Variants in IGSF10 observed in about 807,000 individuals in gnomAD.
IGSF10 encodes immunoglobulin superfamily member 10.
In IGSF10, 126 loss-of-function variants were observed where a neutral mutation model predicts 128.2. The observed-to-expected ratio is 0.98, with a 90% CI of 0.85 to 1.14. The LOEUF (loss-of-function observed/expected upper bound fraction) is 1.14. IGSF10 is among the 50% of genes most tolerant of loss of function. The probability of loss-of-function intolerance (pLI) is 0.00; values close to 1 mark genes in which losing one functional copy is unlikely to be tolerated. For synonymous variants in IGSF10, 1,185 were observed against 1,146.2 expected (o/e 1.03, Z -0.68); for missense variants, 3,295 against 3,149.8 (o/e 1.05, Z -1.10).
chr3:151,518,422 C>T, the IGSF10 span, among the ~76,000 whole-genome samples: 1 of 151,886 alleles, frequency 6.6e-6, no homozygotes, highest in Admixed American at 6.6e-5. Context: ...CTCAATTAAA[C>T]CATTTTAAAT....
At chr3:151,551,615 CAAGATATAAAATTTTT>C in the IGSF10 span, among the ~76,000 whole-genome samples, 5 of 150,334 alleles carry the variant, frequency 3.3e-5, no homozygotes, top group African/African-American at 9.8e-5. Context: ...AAATAATTTT[CAAGATATAAAATTTTT>C]AAGATATAAA....
chr3:151,436,549 G>A lies in IGSF10; in HGVS notation c.*140C>T. ...CAGTTCATAATGCATTTATTTACAA[G>A]TCCTTTTATTTTGCATGTTCATTGT... On this transcript the variant is annotated 3_prime_UTR_variant, in exon 8 of 8. Coordinates refer to ENST00000282466, the MANE Select transcript of IGSF10 (RefSeq NM_178822.5). The A allele has an allele frequency of 1.6e-6, 1 of 607,374 alleles. No homozygotes were observed. Among genetic ancestry groups the A allele is most frequent in the South Asian group, 2.3e-5 (1 of 42,784 alleles). 37.6% of individuals were successfully genotyped at this position (607,374 alleles called of 1,614,324 possible).
chr3:151,556,244 A>G, the IGSF10 span, among the ~76,000 whole-genome samples: 2 of 152,316 alleles, frequency 1.3e-5, no homozygotes, highest in Non-Finnish European at 1.5e-5. Context: ...ACAAAAAAAT[A>G]TTTAGAGACT....
chr3:151,442,637 T>C (rs1490096614), intron 7 of IGSF10, among the ~76,000 whole-genome samples: 1 of 150,928 alleles, frequency 6.6e-6, no homozygotes, highest in Non-Finnish European at 1.5e-5. Flanking sequence ...GATCCATCTG[T>C]CTCGGCCTCC....
the IGSF10 span, among the ~76,000 whole-genome samples, chr3:151,475,029 T>C: frequency 6.6e-6 from 1 of 152,192 alleles, no homozygotes; most frequent in Admixed American, 6.5e-5. Flanking sequence ...TTAAGGAGCA[T>C]GTCTTAGGCA....
the IGSF10 span, among the ~76,000 whole-genome samples, chr3:151,493,150 C>G: frequency 2.0e-5 from 3 of 152,054 alleles, no homozygotes; most frequent in East Asian, 5.8e-4. Flanking sequence ...ATAGCAGTTA[C>G]TAGGGGTGAG....
At chr3:151,506,416 C>T in the IGSF10 span, among the ~76,000 whole-genome samples, 1 of 152,144 alleles carries the variant, frequency 6.6e-6, no homozygotes, top group African/African-American at 2.4e-5. Flanking sequence ...TCAAATACAC[C>T]TTTCTGGATT....
chr3:151,590,077 G>A, the IGSF10 span, among the ~76,000 whole-genome samples: 1 of 151,884 alleles, frequency 6.6e-6, no homozygotes, highest in Admixed American at 6.6e-5. Context: ...CTCACTCTAT[G>A]GCCCAGGCTG....
chr3:151,523,162 AG>A, the IGSF10 span, among the ~76,000 whole-genome samples: 1 of 152,176 alleles, frequency 6.6e-6, no homozygotes, highest in Non-Finnish European at 1.5e-5. Context: ...CAAATAATTT[AG>A]AGATGACACA....
the IGSF10 span, among the ~76,000 whole-genome samples, chr3:151,468,074 C>T: frequency 6.6e-6 from 1 of 152,160 alleles, no homozygotes; most frequent in Non-Finnish European, 1.5e-5. Flanking sequence ...ACATTCTGGG[C>T]TTAAAGTACG....
At chr3:151,498,579 G>A in the IGSF10 span, among the ~76,000 whole-genome samples, 2 of 152,086 alleles carry the variant, frequency 1.3e-5, no homozygotes, top group East Asian at 3.9e-4. Flanking sequence ...TATCTCAATA[G>A]ATGCAGAAAA....
At chr3:151,466,088 G>A in the IGSF10 span, among the ~76,000 whole-genome samples, 75 of 152,026 alleles carry the variant, frequency 4.9e-4, no homozygotes, top group African/African-American at 1.7e-3. Context: ...CTGAATCTGC[G>A]GTATTTCTGG....
chr3:151,583,943 T>C, the IGSF10 span, among the ~76,000 whole-genome samples: 1 of 152,206 alleles, frequency 6.6e-6, no homozygotes, highest in African/African-American at 2.4e-5. Context: ...CATTCGATGG[T>C]ATATTTTAGC....
chr3:151,514,592 G>A, the IGSF10 span, among the ~76,000 whole-genome samples: 165 of 152,222 alleles, frequency 1.1e-3, no homozygotes, highest in Non-Finnish European at 1.3e-3. Flanking sequence ...AAAAGCAATG[G>A]CAACAAAAGC....
At chr3:151,527,884 T>A in the IGSF10 span, among the ~76,000 whole-genome samples, 1 of 151,310 alleles carries the variant, frequency 6.6e-6, no homozygotes, top group African/African-American at 2.4e-5. Flanking sequence ...GCTTGGGAGG[T>A]CAAGGCTACA....
At chr3:151,441,132 G>A (rs1316339357) in intron 7 of IGSF10, among the ~76,000 whole-genome samples, 2 of 152,202 alleles carry the variant, frequency 1.3e-5, no homozygotes, top group African/African-American at 4.8e-5. Context: ...CTGGTAGGGG[G>A]TCTTCCCTTG....
the IGSF10 span, among the ~76,000 whole-genome samples, chr3:151,523,069 G>A: frequency 6.6e-6 from 1 of 152,082 alleles, no homozygotes; most frequent in Non-Finnish European, 1.5e-5. Context: ...ATTCACAATA[G>A]CCACAAAAAG....
the IGSF10 span, among the ~76,000 whole-genome samples, chr3:151,529,080 C>G: frequency 6.6e-6 from 1 of 152,134 alleles, no homozygotes; most frequent in South Asian, 2.1e-4. Flanking sequence ...GTAAACAAAG[C>G]TGCCGGGAGG....
At chr3:151,584,222 T>C in the IGSF10 span, among the ~76,000 whole-genome samples, 3 of 152,220 alleles carry the variant, frequency 2.0e-5, no homozygotes, top group Admixed American at 6.5e-5. Flanking sequence ...TTTAGGAATG[T>C]TTCTTGCCTT....
Sources: allele counts gnomAD v4.1 joint callset (sites outside exome capture counted in the v4.1 genomes callset), GRCh38; gene constraint gnomAD v4.1.1; transcripts MANE v1.5; gene names NCBI Gene and HGNC (gene_info 2026-07-23, HGNC 2026-07-21).